CDH13: variants seen among roughly 807,000 people sequenced by gnomAD.
CDH13 encodes cadherin-13.
In CDH13, 24 loss-of-function variants were observed where a neutral mutation model predicts 63.8. The observed-to-expected ratio is 0.38, with a 90% CI of 0.27 to 0.53. The LOEUF (loss-of-function observed/expected upper bound fraction) is 0.53. CDH13 is among the 20% of genes least tolerant of loss of function. The probability of loss-of-function intolerance (pLI) is 0.85; values close to 1 mark genes in which losing one functional copy is unlikely to be tolerated. For missense variants in CDH13, 1,049 were observed against 903.1 expected, an observed-to-expected ratio of 1.16 and a Z score of -2.07; for synonymous variants, 503 against 355.3, an observed-to-expected ratio of 1.42 and a Z score of -4.67.
chr16:82,661,014 A>G lies in CDH13; in HGVS notation c.45+33877A>G, dbSNP rs118013614. Among the ~76,000 whole-genome samples the G allele has an allele frequency of 6.5e-3, 979 of 151,746 alleles. 10 individuals are homozygous for G. The highest frequency in any genetic ancestry group is 0.011 in the Non-Finnish European group (752 of 67,978). On this transcript the variant is annotated intron_variant, in intron 1 of 13. Coordinates refer to ENST00000567109, the MANE Select transcript of CDH13 (RefSeq NM_001257.5). ...CCCACCACCTTCTCCCCTCCTGGGG[A>G]CATGGCAGTGGCCACTTCAAAGTGG...
rs554461187 is a variant in CDH13, at chr16:83,140,189, G to T, written c.483+14688G>T. ...CAGTTAACATTCCAACAAGCCTCCT[G>T]GCACTGCTGACAAGCCCAGCTCCAT... is the stretch of plus-strand genomic sequence containing the variant. On this transcript the variant is annotated intron_variant, in intron 4 of 13. Coordinates refer to ENST00000567109, the MANE Select transcript of CDH13 (RefSeq NM_001257.5). Among the ~76,000 whole-genome samples the T allele has an allele frequency of 9.8e-4, 149 of 152,268 alleles. 1 individual carries two copies. Among genetic ancestry groups the T allele is most frequent in the African/African-American group, 3.5e-3 (146 of 41,568 alleles).
chr16:82,924,296 C>G (rs1195517950), intron 2 of CDH13, among the ~76,000 whole-genome samples: 1 of 152,068 alleles, frequency 6.6e-6, no homozygotes, highest in Non-Finnish European at 1.5e-5. Flanking sequence ...CATGCAGAGA[C>G]AATATAAAAG....
chr16:83,181,974 C>T (rs2038362559), intron 4 of CDH13, among the ~76,000 whole-genome samples: 1 of 152,156 alleles, frequency 6.6e-6, no homozygotes, highest in Non-Finnish European at 1.5e-5. Flanking sequence ...ATTAGCTGCA[C>T]ACAGAAGCTG....
intron 2 of CDH13, among the ~76,000 whole-genome samples, chr16:83,025,758 C>T (rs190633464): frequency 8.5e-4 from 130 of 152,256 alleles, no homozygotes; most frequent in African/African-American, 3.1e-3. Flanking sequence ...GCTGGCATGC[C>T]AGTCCCCAAC....
At chr16:83,424,631 A>G (rs148611001) in intron 6 of CDH13, among the ~76,000 whole-genome samples, 4 of 152,340 alleles carry the variant, frequency 2.6e-5, no homozygotes, top group Admixed American at 1.3e-4. Flanking sequence ...AAAAATAAAA[A>G]GGAAGAAATT....
At chr16:82,917,727 C>T (rs1005413380) in intron 2 of CDH13, among the ~76,000 whole-genome samples, 1 of 152,112 alleles carries the variant, frequency 6.6e-6, no homozygotes, top group Middle Eastern at 3.4e-3. Flanking sequence ...GCCTGACCAA[C>T]ATGGTGAAAC....
chr16:83,128,763 G>GT (rs529162082), intron 4 of CDH13, among the ~76,000 whole-genome samples: 4 of 152,124 alleles, frequency 2.6e-5, no homozygotes, highest in Non-Finnish European at 4.4e-5. Flanking sequence ...CTTCTGCATT[G>GT]TTTTTTTACT....
intron 2 of CDH13, among the ~76,000 whole-genome samples, chr16:82,995,308 C>T (rs186755843): frequency 7.2e-5 from 11 of 152,330 alleles, no homozygotes; most frequent in African/African-American, 2.6e-4. Flanking sequence ...CTACTTTCTC[C>T]AGCCACCTTG....
At chr16:82,903,821 G>A (rs756260637) in intron 2 of CDH13, among the ~76,000 whole-genome samples, 38 of 152,106 alleles carry the variant, frequency 2.5e-4, no homozygotes, top group Non-Finnish European at 5.0e-4. Flanking sequence ...TCCATGTTTC[G>A]TAAATAAGAG....
chr16:82,863,646 C>CTAT (rs1014166150), intron 2 of CDH13, among the ~76,000 whole-genome samples: 2 of 151,952 alleles, frequency 1.3e-5, no homozygotes, highest in African/African-American at 2.4e-5. Context: ...ATGGAAGCTG[C>CTAT]TATTATTATT....
At chr16:83,243,681 G>A (rs1904700653) in intron 5 of CDH13, among the ~76,000 whole-genome samples, 1 of 152,144 alleles carries the variant, frequency 6.6e-6, no homozygotes, top group Admixed American at 6.5e-5. Context: ...TCCAAAACTG[G>A]AGTGCTTTTG....
intron 6 of CDH13, among the ~76,000 whole-genome samples, chr16:83,418,300 C>A (rs2071613530): frequency 6.6e-6 from 1 of 152,008 alleles, no homozygotes; most frequent in Non-Finnish European, 1.5e-5. Flanking sequence ...TTGTCAGTAC[C>A]CAGTAACTGT....
intron 6 of CDH13, among the ~76,000 whole-genome samples, chr16:83,347,398 G>A (rs971994109): frequency 2.5e-4 from 38 of 152,004 alleles, no homozygotes; most frequent in Admixed American, 2.2e-3. Flanking sequence ...GGCTGACTCT[G>A]GAAAGAGTTC....
At chr16:82,805,052 C>T (rs1443120384) in intron 1 of CDH13, among the ~76,000 whole-genome samples, 2 of 152,150 alleles carry the variant, frequency 1.3e-5, no homozygotes, top group Non-Finnish European at 2.9e-5. Context: ...ATAAGGGACA[C>T]GGCATCGTTA....
chr16:83,240,339 G>A (rs1317093477), intron 5 of CDH13, among the ~76,000 whole-genome samples: 1 of 152,090 alleles, frequency 6.6e-6, no homozygotes, highest in African/African-American at 2.4e-5. Context: ...GAGTGAAATG[G>A]GAAGCACTGA....
At position 83,014,817 on chromosome 16, in the gene CDH13, T is replaced by C. The variant is rs867984527; in HGVS notation, c.158-17193T>C. Among the ~76,000 whole-genome samples the C allele has an allele frequency of 2.8e-5, 2 of 71,190 alleles. 1 individual carries two copies. The highest frequency in any genetic ancestry group is 9.9e-5 in the African/African-American group (2 of 20,248). 46.7% of individuals were successfully genotyped at this position (71,190 alleles called of 152,430 possible). A position where few individuals can be genotyped will look rare whatever the true frequency, so the allele number is the denominator to read the frequency against. On this transcript the variant is annotated intron_variant, in intron 2 of 13. Coordinates refer to ENST00000567109, the MANE Select transcript of CDH13 (RefSeq NM_001257.5). ...GTATATATATATGTATATATATTTGTATATATATATTTGTATATATATTTG... is the reference window on the plus strand; with the variant it reads ...GTATATATATATGTATATATATTTGCATATATATATTTGTATATATATTTG...
At chr16:83,687,086 G>A (rs183559051) in intron 10 of CDH13, among the ~76,000 whole-genome samples, 1 of 152,106 alleles carries the variant, frequency 6.6e-6, no homozygotes, top group Non-Finnish European at 1.5e-5. Context: ...GGTGGTGCTT[G>A]CCTGTAGTCC....
chr16:83,042,026 G>A (rs1917372367), intron 3 of CDH13, among the ~76,000 whole-genome samples: 1 of 152,154 alleles, frequency 6.6e-6, no homozygotes, highest in African/African-American at 2.4e-5. Context: ...TGTTACTGAT[G>A]TAAACTGCAA....
At chr16:82,810,242 C>G (rs1392417237) in intron 1 of CDH13, among the ~76,000 whole-genome samples, 1 of 152,138 alleles carries the variant, frequency 6.6e-6, no homozygotes, top group African/African-American at 2.4e-5. Flanking sequence ...CTGCAATAAG[C>G]AGAGATAGAA....
Sources: gnomAD v4.1 joint callset for allele counts (sites outside exome capture counted in the v4.1 genomes callset) on GRCh38, gnomAD v4.1.1 for gene constraint, MANE v1.5 for transcripts, NCBI Gene and HGNC (gene_info 2026-07-23, HGNC 2026-07-21) for gene names.